ZFHX3: variants seen among roughly 807,000 people sequenced by gnomAD.
ZFHX3 encodes the protein zinc finger homeobox protein 3.
ZFHX3 carries 42 observed loss-of-function variants against 279.1 expected under a neutral mutation model. The ratio of observed to expected loss-of-function variants is 0.15; its 90% CI spans 0.12 to 0.19. The LOEUF (loss-of-function observed/expected upper bound fraction) is 0.19. Among genes scored for constraint, ZFHX3 ranks in the 10% least tolerant of loss-of-function variants. The pLI is 1.00. For synonymous variants in ZFHX3, 2,293 were observed against 1,957.8 expected (o/e 1.17, Z -4.52); for missense variants, 4,981 against 4,754.0 (o/e 1.05, Z -1.40).
intron 5 of ZFHX3, among the ~76,000 whole-genome samples, chr16:73,242,793 C>A (rs2013163810): frequency 6.6e-6 from 1 of 152,140 alleles, no homozygotes; most frequent in Admixed American, 6.5e-5. Context: ...GAGCGGAGTA[C>A]AGGCTTAACA....
chr16:73,353,702 T>C (rs2016287648), intron 3 of ZFHX3, among the ~76,000 whole-genome samples: 1 of 151,958 alleles, frequency 6.6e-6, no homozygotes, highest in African/African-American at 2.4e-5. Flanking sequence ...GTGAATGCTG[T>C]TAGTATAGAC....
At chr16:73,415,755 C>T (rs1045012904) in intron 3 of ZFHX3, among the ~76,000 whole-genome samples, 6 of 152,166 alleles carry the variant, frequency 3.9e-5, no homozygotes, top group Admixed American at 3.9e-4. Context: ...CAGATTCCAT[C>T]ACAACCCAGC....
chr16:72,945,062 G>A (rs947970073), intron 3 of ZFHX3, among the ~76,000 whole-genome samples: 7 of 152,136 alleles, frequency 4.6e-5, no homozygotes, highest in South Asian at 2.1e-4. Flanking sequence ...ATGAGGGTGT[G>A]TAAAATGCTC....
At chr16:72,856,056 A>G (rs1258427141) in intron 4 of ZFHX3, among the ~76,000 whole-genome samples, 2 of 152,272 alleles carry the variant, frequency 1.3e-5, no homozygotes, top group Non-Finnish European at 2.9e-5. Context: ...TTAATTAAAC[A>G]ATTACATAAA....
At chr16:73,724,119 G>A (rs923460425) in intron 1 of ZFHX3, among the ~76,000 whole-genome samples, 2 of 152,164 alleles carry the variant, frequency 1.3e-5, no homozygotes, top group African/African-American at 4.8e-5. Flanking sequence ...GGTGAATAAG[G>A]TTAGGTGGAA....
At chr16:73,510,707 C>G (rs2019413836) in intron 2 of ZFHX3, among the ~76,000 whole-genome samples, 2 of 152,334 alleles carry the variant, frequency 1.3e-5, no homozygotes, top group Admixed American at 1.3e-4. Context: ...AACCATACAG[C>G]AGCTCAGATT....
chr16:73,764,845 G>C (rs2053911979), intron 1 of ZFHX3, among the ~76,000 whole-genome samples: 2 of 152,252 alleles, frequency 1.3e-5, no homozygotes, highest in Non-Finnish European at 1.5e-5. Context: ...TCCATCTCCA[G>C]CTCTTAGCCC....
At chr16:73,670,755 T>C (rs4888601) in intron 2 of ZFHX3, among the ~76,000 whole-genome samples, 31,443 of 152,158 alleles carry the variant, frequency 0.21, 3,351 homozygotes, top group South Asian at 0.23. Flanking sequence ...CAAATGACTC[T>C]TTTTTCCTTA....
At chr16:73,223,044 C>T (rs576815949) in intron 5 of ZFHX3, among the ~76,000 whole-genome samples, 5 of 152,138 alleles carry the variant, frequency 3.3e-5, no homozygotes, top group Admixed American at 1.3e-4. Context: ...GCATAAACCT[C>T]CTTACACCCA....
Position 73,682,852 on chromosome 16 carries a change from GAGAAAGAAAGAA to G in ZFHX3, c.-1607-2624_-1607-2613del, listed in dbSNP as rs568576216. On this transcript the variant is annotated intron_variant, in intron 1 of 17. Transcript: ENST00000641206. ...GGAGAGAGAGAGAGAAAAAAAGAAA[GAGAAAGAAAGAA>G]AGAAAGAAAGAAAGAAAGAAAGAAA... is the stretch of plus-strand genomic sequence containing the variant. Among the ~76,000 whole-genome samples the G allele has an allele frequency of 1.8e-3, 142 of 80,102 alleles. 5 individuals carry two copies. The highest frequency in any genetic ancestry group is 2.7e-3 in the Non-Finnish European group (113 of 41,844). The allele number at this position is 80,102 out of a possible 152,430, so 52.6% of individuals were successfully genotyped here. A position where few individuals can be genotyped will look rare whatever the true frequency, so the allele number is the denominator to read the frequency against.
rs183326405 is a variant in ZFHX3, at chr16:73,095,534, A to T, written c.-896-1936T>A. On this transcript the variant is annotated intron_variant, in intron 7 of 17. Coordinates refer to the ZFHX3 transcript ENST00000641206. ...GCGGCCCAAGTGCTGACCATCTTTCAGTAAAATGAGTATTATTGTTAAAAC... is the reference window on the plus strand; with the variant it reads ...GCGGCCCAAGTGCTGACCATCTTTCTGTAAAATGAGTATTATTGTTAAAAC... Among the ~76,000 whole-genome samples the T allele has an allele frequency of 1.0e-3, 155 of 152,382 alleles. 1 individual carries two copies. The highest frequency in any genetic ancestry group is 3.4e-3 in the African/African-American group (140 of 41,588).
intron 4 of ZFHX3, among the ~76,000 whole-genome samples, chr16:73,294,783 GC>G (rs1297361587): frequency 2.0e-5 from 3 of 149,594 alleles, no homozygotes; most frequent in African/African-American, 7.5e-5. Context: ...CTGCACTCCG[GC>G]CTGGGCAACA....
intron 2 of ZFHX3, among the ~76,000 whole-genome samples, chr16:73,508,447 G>A (rs1032885926): frequency 6.6e-6 from 1 of 152,148 alleles, no homozygotes; most frequent in African/African-American, 2.4e-5. Flanking sequence ...ATACCACCAT[G>A]GAATACTCCA....
At chr16:72,953,689 A>C (rs1381124040) in intron 2 of ZFHX3, among the ~76,000 whole-genome samples, 1 of 152,022 alleles carries the variant, frequency 6.6e-6, no homozygotes, top group East Asian at 1.9e-4. Flanking sequence ...CAAGTGAACC[A>C]CCTGCCTCAG....
chr16:73,070,685 T>A (rs1168082405), intron 8 of ZFHX3, among the ~76,000 whole-genome samples: 1 of 151,526 alleles, frequency 6.6e-6, no homozygotes, highest in African/African-American at 2.4e-5. Context: ...ACGTGACCAA[T>A]CCAGAAGGAA....
chr16:72,949,097 C>T (rs1256802621), intron 3 of ZFHX3, among the ~76,000 whole-genome samples: 7 of 152,218 alleles, frequency 4.6e-5, no homozygotes, highest in African/African-American at 7.2e-5. Context: ...TTAAGCACTA[C>T]GTTATGCAGG....
At chr16:73,237,760 T>C (rs2013000567) in intron 5 of ZFHX3, among the ~76,000 whole-genome samples, 1 of 152,088 alleles carries the variant, frequency 6.6e-6, no homozygotes, top group Non-Finnish European at 1.5e-5. Context: ...TTTGTAGTTA[T>C]GTGCACTTTG....
chr16:73,449,205 T>A (rs1244183185), intron 3 of ZFHX3, among the ~76,000 whole-genome samples: 2 of 152,260 alleles, frequency 1.3e-5, no homozygotes, highest in Non-Finnish European at 2.9e-5. Context: ...CCTCAAATTT[T>A]ATACCCAGCT....
rs534155203 is a variant in ZFHX3 at position 73,557,659 on chromosome 16, TGTC to T, written c.-1546-101404_-1546-101402del. ...AGTGAGGACGACCAGAGGTCACTCT[TGTC>T]GTCATCTTGTTTTAGTGGGTTTTGG... On this transcript the variant is annotated intron_variant, in intron 2 of 17. Coordinates refer to the ZFHX3 transcript ENST00000641206. Among the ~76,000 whole-genome samples the T allele has an allele frequency of 9.3e-4, 141 of 152,260 alleles. 1 individual carries two copies. Among genetic ancestry groups the T allele is most frequent in the African/African-American group, 3.0e-3 (124 of 41,552 alleles).
Sources: allele counts gnomAD v4.1 joint callset (sites outside exome capture counted in the v4.1 genomes callset), GRCh38; gene constraint gnomAD v4.1.1; transcripts MANE v1.5; gene names NCBI Gene and HGNC (gene_info 2026-07-23, HGNC 2026-07-21).